DCAF5: variants seen among roughly 807,000 people sequenced by gnomAD.
The protein encoded by DCAF5 is DDB1- and CUL4-associated factor 5.
A neutral mutation model predicts 80.7 loss-of-function variants in DCAF5; 9 were observed. The ratio of observed to expected loss-of-function variants is 0.11; its 90% CI spans 0.07 to 0.19. DCAF5 has a LOEUF of 0.19. Among genes scored for constraint, DCAF5 ranks in the 10% least tolerant of loss-of-function variants. The pLI, the probability that DCAF5 is intolerant of heterozygous loss-of-function variation, is 1.00. For missense variants in DCAF5, 842 were observed against 1,205.7 expected, an observed-to-expected ratio of 0.70 and a Z score of 4.47; for synonymous variants, 433 against 461.9, an observed-to-expected ratio of 0.94 and a Z score of 0.80.
At chr14:69,119,761 A>T (rs1003187915) in intron 2 of DCAF5, among the ~76,000 whole-genome samples, 5 of 151,882 alleles carry the variant, frequency 3.3e-5, no homozygotes, top group Non-Finnish European at 5.9e-5. Flanking sequence ...GGCCATCAAG[A>T]AAAACACTAA....
intron 2 of DCAF5, among the ~76,000 whole-genome samples, chr14:69,121,328 G>A (rs17836099): frequency 0.24 from 37,108 of 152,080 alleles, 5,879 homozygotes; most frequent in Middle Eastern, 0.43. Context: ...CCAAACTAAC[G>A]GATGAGTATG....
chr14:69,112,003 A>C (rs1242954547), intron 5 of DCAF5, among the ~76,000 whole-genome samples: 1 of 152,170 alleles, frequency 6.6e-6, no homozygotes, highest in Non-Finnish European at 1.5e-5. Flanking sequence ...AACATCATAA[A>C]GGTTTTGGCT....
At chr14:69,077,512 T>C (rs1007747992) in intron 6 of DCAF5, among the ~76,000 whole-genome samples, 5 of 152,038 alleles carry the variant, frequency 3.3e-5, no homozygotes, top group Non-Finnish European at 5.9e-5. Flanking sequence ...GCCTCCCAAG[T>C]AGCTGGGACT....
At chr14:69,145,835 T>C (rs557154400) in intron 1 of DCAF5, among the ~76,000 whole-genome samples, 10 of 152,362 alleles carry the variant, frequency 6.6e-5, no homozygotes, top group Non-Finnish European at 1.0e-4. Flanking sequence ...AATTAGTTTC[T>C]TCTTTCTTAA....
At chr14:69,073,531 T>C (rs752977114) in intron 7 of DCAF5, among the ~76,000 whole-genome samples, 1 of 152,034 alleles carries the variant, frequency 6.6e-6, no homozygotes, top group Non-Finnish European at 1.5e-5. Context: ...CTCATGCCTA[T>C]ACGCCCAGCA....
In DCAF5 at chr14:69,054,333, G is replaced by A. The variant is rs776355608; in HGVS notation, c.2353C>T (p.Leu785=). 4 of 1,614,204 alleles carry A rather than the reference G, an allele frequency of 2.5e-6. No individual in the cohort carries two copies. The highest frequency in any genetic ancestry group is 1.1e-5 in the South Asian group (1 of 91,086). The change falls in exon 9 of 9, where the codon CTG becomes TTG. Residue 785 remains leucine, a synonymous_variant. Transcript: ENST00000341516. ...FETKKLNGKA[L]SSRAEEPPSP... ...GGCGGCTCCTCAGCCCGACTGCTCA[G>A]GGCCTTTCCATTGAGCTTCTTGGTT...
intron 1 of DCAF5, among the ~76,000 whole-genome samples, chr14:69,144,360 C>T (rs920498194): frequency 6.6e-6 from 1 of 151,978 alleles, no homozygotes; most frequent in African/African-American, 2.4e-5. Flanking sequence ...ATCACAAGGT[C>T]GGGACATCGA....
Position 69,054,211 on chromosome 14 carries a change from G to T in DCAF5, c.2475C>A (p.Leu825=), listed in dbSNP as rs150567803. ...TQSDDSEERS[L]ETICANHNNG... The stretch of plus-strand genomic sequence containing the variant: ...TGTTGTGGTTGGCACAGATGGTTTC[G>T]AGGCTCCTCTCCTCACTGTCATCAG... The change falls in exon 9 of 9, where the codon CTC becomes CTA. Residue 825 remains leucine, a synonymous_variant. Transcript: ENST00000341516. The T allele has an allele frequency of 2.6e-5, 42 of 1,614,100 alleles. No individual in the cohort carries two copies. The East Asian group carries it at 9.4e-4, about 36-fold the overall frequency.
chr14:69,065,837 T>C (rs2139861686), intron 7 of DCAF5, among the ~76,000 whole-genome samples: 1 of 152,294 alleles, frequency 6.6e-6, no homozygotes, highest in Non-Finnish European at 1.5e-5. Context: ...AGTATCAAAT[T>C]GGAAGGAGAC....
At chr14:69,137,314 T>C (rs2041225918) in intron 1 of DCAF5, among the ~76,000 whole-genome samples, 1 of 152,196 alleles carries the variant, frequency 6.6e-6, no homozygotes, top group Admixed American at 6.5e-5. Context: ...TGCCAGGTAC[T>C]TCCAGATCAC....
chr14:69,101,492 T>C (rs1001135988), intron 5 of DCAF5, among the ~76,000 whole-genome samples: 1 of 151,536 alleles, frequency 6.6e-6, no homozygotes, highest in Non-Finnish European at 1.5e-5. Context: ...GAGACAGGAG[T>C]GGGAGTAGTC....
At chr14:69,130,719 CT>C (rs1290694991) in intron 1 of DCAF5, among the ~76,000 whole-genome samples, 1 of 152,138 alleles carries the variant, frequency 6.6e-6, no homozygotes, top group Non-Finnish European at 1.5e-5. Context: ...GTATTAGTGA[CT>C]GTATTAATTG....
intron 6 of DCAF5, chr14:69,084,506 A>G (rs1384329555): frequency 2.6e-6 from 2 of 771,186 alleles, no homozygotes; most frequent in Non-Finnish European, 4.6e-6. Flanking sequence ...CCCGGCAAGG[A>G]TTTCTCTGAA....
At chr14:69,059,631 C>A (rs1328196765) in intron 8 of DCAF5, among the ~76,000 whole-genome samples, 2 of 152,172 alleles carry the variant, frequency 1.3e-5, no homozygotes, top group African/African-American at 2.4e-5. Context: ...TGAGATGAGG[C>A]CAGCATGGCC....
chr14:69,118,346 T>C lies in DCAF5; in HGVS notation c.396-68A>G, dbSNP rs924961761. On this transcript the variant is annotated intron_variant, in intron 3 of 8. Transcript: ENST00000341516. The surrounding 1 kb of genome is among the most constrained non-coding windows in gnomAD (Gnocchi z 4.0). ...AAGCATAGTGCAGAGTCCCAGCACT[T>C]TGGTACCGAGGGTGCCATCTTTTCC... The C allele has an allele frequency of 6.3e-5, 93 of 1,478,074 alleles. No homozygotes were observed. The highest frequency in any genetic ancestry group is 8.4e-5 in the Non-Finnish European group (92 of 1,095,076). 91.6% of individuals were successfully genotyped at this position (1,478,074 alleles called of 1,614,324 possible). A position where few individuals can be genotyped will look rare whatever the true frequency, so the allele number is the denominator to read the frequency against.
intron 1 of DCAF5, among the ~76,000 whole-genome samples, chr14:69,133,290 C>T (rs934994957): frequency 2.6e-5 from 4 of 152,106 alleles, no homozygotes; most frequent in African/African-American, 9.7e-5. Flanking sequence ...AATCCAGCCT[C>T]GCAAATATAA....
chr14:69,086,190 C>G (rs2139947174), intron 6 of DCAF5, among the ~76,000 whole-genome samples: 2 of 152,184 alleles, frequency 1.3e-5, no homozygotes, highest in South Asian at 4.1e-4. Context: ...AACCCCGCCT[C>G]TACTAAAAAC....
intron 5 of DCAF5, among the ~76,000 whole-genome samples, chr14:69,097,374 C>A (rs1451320224): frequency 2.0e-5 from 3 of 152,046 alleles, no homozygotes; most frequent in African/African-American, 7.2e-5. Context: ...ATGAATGCCT[C>A]AGAACAATAG....
chr14:69,078,546 C>T (rs985373716), intron 6 of DCAF5, among the ~76,000 whole-genome samples: 2 of 152,154 alleles, frequency 1.3e-5, no homozygotes, highest in African/African-American at 4.8e-5. Flanking sequence ...GGAATCAATC[C>T]CCTATGTGTC....
Sources: gnomAD v4.1 joint callset for allele counts (sites outside exome capture counted in the v4.1 genomes callset) on GRCh38, gnomAD v4.1.1 for gene constraint, Gnocchi (gnomAD v3.1) non-coding constraint, MANE v1.5 for transcripts, NCBI Gene and HGNC (gene_info 2026-07-23, HGNC 2026-07-21) for gene names.